MBTPS1: variants seen among roughly 807,000 people sequenced by gnomAD.
MBTPS1 encodes the protein membrane bound transcription factor peptidase, site 1, also known as membrane-bound transcription factor site-1 protease.
MBTPS1 carries 94 observed loss-of-function variants against 127.8 expected under a neutral mutation model. The ratio of observed to expected loss-of-function variants is 0.74; its 90% CI spans 0.62 to 0.87. The LOEUF (loss-of-function observed/expected upper bound fraction) is 0.87, where lower values mean the gene tolerates loss of function less well. Among genes scored for constraint, MBTPS1 ranks in the 40% least tolerant of loss-of-function variants. The pLI, the probability that MBTPS1 is intolerant of heterozygous loss-of-function variation, is 0.00. For missense variants in MBTPS1, 1,636 were observed against 1,353.2 expected, an observed-to-expected ratio of 1.21 and a Z score of -3.28; for synonymous variants, 632 against 509.4, an observed-to-expected ratio of 1.24 and a Z score of -3.24.
At chr16:84,089,431 C>CA (rs537363674) in intron 8 of MBTPS1, among the ~76,000 whole-genome samples, 27 of 152,304 alleles carry the variant, frequency 1.8e-4, no homozygotes, top group African/African-American at 6.5e-4. Context: ...CCTTGAAAAA[C>CA]AAAAGAAAAA....
chr16:84,065,717 C>T lies in MBTPS1; in HGVS notation c.2404G>A (p.Val802Met), dbSNP rs764408404. ...SIAKFPEDGV[V>M]ITQTFKDQGL... ...TGGTCCTTGAAAGTCTGTGTTATCACGACGCCATCTTCTGGAAACTTCGCG... is the reference window on the plus strand; with the variant it reads ...TGGTCCTTGAAAGTCTGTGTTATCATGACGCCATCTTCTGGAAACTTCGCG... Residue 802 changes from valine to methionine, a missense_variant, in exon 18 of 23, where the codon GTG becomes ATG. Val to Met is a conservative substitution (Grantham distance 21). Coordinates refer to ENST00000343411, the MANE Select transcript of MBTPS1 (RefSeq NM_003791.4). 39 of 1,612,186 alleles carry T rather than the reference C, an allele frequency of 2.4e-5. No homozygotes were observed. The highest frequency in any genetic ancestry group is 1.4e-4 in the South Asian group (13 of 90,742).
chr16:84,068,498 T>C (rs988275539), intron 14 of MBTPS1, 44 bp from the exon 15 acceptor site: 2 of 1,354,348 alleles, frequency 1.5e-6, no homozygotes, highest in Middle Eastern at 1.8e-4. Flanking sequence ...CGATCTTTAC[T>C]GGCAATAAAG....
chr16:84,082,562 C>T (rs1158421282), intron 10 of MBTPS1, among the ~76,000 whole-genome samples: 1 of 152,144 alleles, frequency 6.6e-6, no homozygotes, highest in Admixed American at 6.5e-5. Flanking sequence ...ACTAGCGTTA[C>T]AACATCCATT....
Position 84,054,148 on chromosome 16 carries a change from G to T in MBTPS1, c.*301C>A, listed in dbSNP as rs373987256. On this transcript the variant is annotated 3_prime_UTR_variant, in exon 23 of 23. Coordinates refer to ENST00000343411, the MANE Select transcript of MBTPS1 (RefSeq NM_003791.4). ...TTGGAAAGTACATCCTTCCCCTGCA[G>T]TCAGAAGACCCCAGACAGCCTTTCC... The T allele has an allele frequency of 3.2e-4, 84 of 260,370 alleles. No homozygotes were observed. Among genetic ancestry groups the T allele is most frequent in the African/African-American group, 1.8e-3 (80 of 45,456 alleles). 16.1% of individuals were successfully genotyped at this position (260,370 alleles called of 1,614,324 possible).
chr16:84,104,739 A>C (rs1251696781), intron 1 of MBTPS1, among the ~76,000 whole-genome samples: 1 of 152,162 alleles, frequency 6.6e-6, no homozygotes, highest in Non-Finnish European at 1.5e-5. Context: ...ACTTGCCTTT[A>C]AAAGAAATGA....
In MBTPS1 at chr16:84,067,739, G is replaced by A. The variant is rs774251100; in HGVS notation, c.2156C>T (p.Ser719Leu). Residue 719 changes from serine (S) to leucine (L), a missense_variant, in exon 16 of 23, where the codon TCG (serine) becomes TTG (leucine). Physicochemically the swap from Ser to Leu is moderately radical, Grantham distance 145. Transcript: ENST00000343411. The stretch of plus-strand genomic sequence containing the variant: ...GTACCAGTCACTGAAGATGACGAGC[G>A]AGAGGCCGTTGTCCACGTCCCTCCG... The part of the protein sequence containing the change: ...KLRRDVDNGL[S>L]LVIFSDWYNT... 1.9e-6 allele frequency: 3 copies of A among 1,613,990 alleles called. No individual in the cohort carries two copies. The highest frequency in any genetic ancestry group is 1.7e-6 in the Non-Finnish European group (2 of 1,179,828).
intron 1 of MBTPS1, among the ~76,000 whole-genome samples, chr16:84,106,126 C>T (rs1336404464): frequency 6.6e-6 from 1 of 152,048 alleles, no homozygotes; most frequent in African/African-American, 2.4e-5. Flanking sequence ...GAAACCCCAC[C>T]TCTACTAAAA....
At position 84,054,384 on chromosome 16, in the gene MBTPS1, C is replaced by A; in HGVS notation, c.*65G>T. ...TTTTAAACCAGCCGCCACCACAGCT[C>A]GGCTCACCCACCAGCGCCGTCCGTG... On this transcript the variant is annotated 3_prime_UTR_variant, in exon 23 of 23. Coordinates refer to ENST00000343411, the MANE Select transcript of MBTPS1 (RefSeq NM_003791.4). 1 of 1,425,360 alleles carries A rather than the reference C, an allele frequency of 7.0e-7. No homozygotes were observed. The highest frequency in any genetic ancestry group is 9.4e-7 in the Non-Finnish European group (1 of 1,065,552). The allele number at this position is 1,425,360 out of a possible 1,614,324, so 88.3% of individuals were successfully genotyped here. A position where few individuals can be genotyped will look rare whatever the true frequency, so the allele number is the denominator to read the frequency against.
chr16:84,081,398 A>C (rs2085938246), intron 11 of MBTPS1: 1 of 161,848 alleles, frequency 6.2e-6, no homozygotes, highest in African/African-American at 2.4e-5. Flanking sequence ...TGGTGGCATC[A>C]GGGGAAACTG....
At chr16:84,091,632 C>T (rs2086108327) in intron 7 of MBTPS1, 100 bp downstream of exon 7, 4 of 784,798 alleles carry the variant, frequency 5.1e-6, no homozygotes, top group South Asian at 1.5e-5. Flanking sequence ...GCTGTCACCA[C>T]CTGGATGAAA....
chr16:84,069,294 C>T (rs1459589668), intron 14 of MBTPS1, among the ~76,000 whole-genome samples: 1 of 152,220 alleles, frequency 6.6e-6, no homozygotes, highest in East Asian at 1.9e-4. Context: ...GGGAGAGCGG[C>T]TATGGGGACT....
chr16:84,071,067 A>G (rs1236867472), intron 12 of MBTPS1, among the ~76,000 whole-genome samples: 1 of 152,168 alleles, frequency 6.6e-6, no homozygotes, highest in Non-Finnish European at 1.5e-5. Context: ...AAGTTCTTTG[A>G]TGAAAAACTT....
At chr16:84,104,390 G>C (rs2151170746) in intron 1 of MBTPS1, among the ~76,000 whole-genome samples, 1 of 152,196 alleles carries the variant, frequency 6.6e-6, no homozygotes, top group East Asian at 1.9e-4. Flanking sequence ...GATTGCTTTA[G>C]CCTGGAGGGT....
chr16:84,099,080 CTT>C lies in MBTPS1; in HGVS notation c.392_393del (p.Lys131SerfsTer9). On this transcript the variant is annotated frameshift_variant, in exon 3 of 23. Coordinates refer to ENST00000343411, the MANE Select transcript of MBTPS1 (RefSeq NM_003791.4). LOFTEE classifies it high-confidence loss of function. Reference protein sequence around the residue: ...PNIKRVTPQRKVFRSLKYAES... With the variant: ...PNIKRVTPQRXVFRSLKYAES... Reference sequence around the variant, plus strand: ...TCAGCATACTTGAGGGAACGAAAGACTTTTCGTTGGGGCGTGACCCGTTTGAT... The same window carrying C: ...TCAGCATACTTGAGGGAACGAAAGACTTCGTTGGGGCGTGACCCGTTTGAT... 3 of 1,614,106 alleles carry C rather than the reference CTT, an allele frequency of 1.9e-6. No homozygotes were observed. Among genetic ancestry groups the C allele is most frequent in the Non-Finnish European group, 1.7e-6 (2 of 1,180,010 alleles).
At chr16:84,059,524 C>T (rs113691979) in intron 20 of MBTPS1, 96 bp from the exon 21 acceptor site, 4 of 1,177,802 alleles carry the variant, frequency 3.4e-6, no homozygotes, top group African/African-American at 3.0e-5. Context: ...TGTCTGCTTT[C>T]CCACAACACA....
At chr16:84,097,849 T>TGTGTGTGA (rs1356495662) in intron 3 of MBTPS1, among the ~76,000 whole-genome samples, 1 of 151,224 alleles carries the variant, frequency 6.6e-6, no homozygotes, top group Non-Finnish European at 1.5e-5. Context: ...TGTGTGTGTG[T>TGTGTGTGA]GTGTGTGTGT....
chr16:84,074,340 T>A (rs2085819129), intron 12 of MBTPS1, among the ~76,000 whole-genome samples: 1 of 151,892 alleles, frequency 6.6e-6, no homozygotes, highest in South Asian at 2.1e-4. Flanking sequence ...ACTCAAGTGA[T>A]CCTCCCACGT....
intron 20 of MBTPS1, chr16:84,059,724 C>A (rs762788092): frequency 9.5e-6 from 2 of 209,764 alleles, no homozygotes; most frequent in Non-Finnish European, 1.9e-5. Context: ...CACTGACACA[C>A]GCAAGGCTAC....
chr16:84,091,127 G>A (rs979141535), intron 7 of MBTPS1, among the ~76,000 whole-genome samples, 185 bp from the exon 8 acceptor site: 6 of 152,136 alleles, frequency 3.9e-5, no homozygotes, highest in Admixed American at 6.5e-5. Context: ...GGAGAAGCAC[G>A]CAGTGCACAG....
Sources: gnomAD v4.1 joint callset for allele counts (sites outside exome capture counted in the v4.1 genomes callset) on GRCh38, gnomAD v4.1.1 for gene constraint, MANE v1.5 for transcripts, NCBI Gene and HGNC (gene_info 2026-07-23, HGNC 2026-07-21) for gene names.